The following RAB3C variants were observed in gnomAD, a reference collection of about 807,000 sequenced individuals.
RAB3C encodes the protein ras-related protein Rab-3C.
A neutral mutation model predicts 26.4 loss-of-function variants in RAB3C; 17 were observed. That is an observed-to-expected ratio of 0.64 (90% confidence interval 0.44 to 0.97). The LOEUF (loss-of-function observed/expected upper bound fraction) is 0.97. Ranked by LOEUF, RAB3C falls within the 50% of genes least tolerant of loss-of-function variation. The pLI is 0.00. For synonymous variants in RAB3C, 91 were observed against 95.9 expected (o/e 0.95, Z 0.30); for missense variants, 242 against 281.9 (o/e 0.86, Z 1.01).
rs1332482574 is a variant in RAB3C, at chr5:58,851,943, C to T, written c.*592C>T. 2.0e-5 allele frequency: 3 copies of T among 152,102 alleles called. No individual in the cohort carries two copies. Among genetic ancestry groups the T allele is most frequent in the Non-Finnish European group, 4.4e-5 (3 of 68,030 alleles). The allele number at this position is 152,102 out of a possible 1,614,324, so 9.4% of individuals were successfully genotyped here. A position where few individuals can be genotyped will look rare whatever the true frequency, so the allele number is the denominator to read the frequency against. ...GTTATTAATAACTGAGATCATTGGC[C>T]TATAAAGAAATTGAAATGTTGTTTT... On this transcript the variant is annotated 3_prime_UTR_variant, in exon 5 of 5. Coordinates refer to ENST00000282878, the MANE Select transcript of RAB3C (RefSeq NM_138453.4).
At chr5:58,826,912 T>C (rs528286161) in intron 4 of RAB3C, among the ~76,000 whole-genome samples, 1 of 152,308 alleles carries the variant, frequency 6.6e-6, no homozygotes, top group Non-Finnish European at 1.5e-5. Context: ...TAAATACAGT[T>C]CACTCTGAAA....
intron 2 of RAB3C, among the ~76,000 whole-genome samples, chr5:58,635,626 G>T (rs1300410425): frequency 6.6e-6 from 1 of 152,176 alleles, no homozygotes; most frequent in Admixed American, 6.5e-5. Context: ...CAGGACCAGG[G>T]TTTGTACATC....
chr5:58,792,795 A>G (rs1454068146), intron 3 of RAB3C, among the ~76,000 whole-genome samples: 1 of 152,120 alleles, frequency 6.6e-6, no homozygotes, highest in African/African-American at 2.4e-5. Flanking sequence ...ATGTGTATAT[A>G]TAAAACCTTG....
rs201467636 is a variant in RAB3C, at chr5:58,617,832, G to A, written c.214G>A (p.Val72Ile). 1.4e-5 allele frequency: 23 copies of A among 1,612,356 alleles called. No individual in the cohort carries two copies. Among genetic ancestry groups the A allele is most frequent in the Middle Eastern group, 1.7e-4 (1 of 6,046 alleles). The change falls in exon 2 of 5, where the codon GTA becomes ATA. Residue 72 changes from valine to isoleucine, a missense_variant. Physicochemically the swap from Val to Ile is conservative, Grantham distance 29 (BLOSUM62 3). Transcript: ENST00000282878. The stretch of plus-strand genomic sequence containing the variant: ...TGGGATCGATTTCAAAGTAAAAACT[G>A]TATTCAAAAATGAAAAGAGAATCAA... ...TVGIDFKVKT[V>I]FKNEKRIKLQ...
At position 58,837,943 on chromosome 5, in the gene RAB3C, A is replaced by G. The variant is rs556119275; in HGVS notation, c.496+12781A>G. 9.0e-4 allele frequency among the ~76,000 whole-genome samples: 137 copies of G among 152,326 alleles called. 1 individual carries two copies. In the Middle Eastern group the frequency reaches 0.01, roughly 11 times the overall value. ...CAAATGTATTGGCATATAGTTGTCC[A>G]TAGTAGTCTCTTATGATCCTTTATA... On this transcript the variant is annotated intron_variant, in intron 4 of 4. Transcript: ENST00000282878.
At chr5:58,589,951 C>A (rs898944920) in intron 1 of RAB3C, among the ~76,000 whole-genome samples, 1 of 152,168 alleles carries the variant, frequency 6.6e-6, no homozygotes. Context: ...CCTACAACCA[C>A]CAGCAACTGG....
chr5:58,847,886 C>T (rs1812864), intron 4 of RAB3C, among the ~76,000 whole-genome samples: 79,167 of 151,846 alleles, frequency 0.52, 21,164 homozygotes, highest in Middle Eastern at 0.68. Context: ...GATGGAGTCT[C>T]GCTCTGTCAC....
intron 2 of RAB3C, among the ~76,000 whole-genome samples, chr5:58,658,212 A>T (rs567352044): frequency 9.9e-5 from 15 of 152,216 alleles, no homozygotes; most frequent in African/African-American, 3.6e-4. Context: ...AACTTATAGT[A>T]GGACAGACTA....
chr5:58,858,761 C>T lies in RAB3C; in HGVS notation c.*7410C>T, dbSNP rs1293795346. The T allele has an allele frequency of 2.0e-5, 3 of 152,222 alleles. No homozygotes were observed. Among genetic ancestry groups the T allele is most frequent in the Middle Eastern group, 3.1e-3 (1 of 318 alleles). 9.4% of individuals were successfully genotyped at this position (152,222 alleles called of 1,614,324 possible). On this transcript the variant is annotated 3_prime_UTR_variant, in exon 5 of 5. Coordinates refer to ENST00000282878, the MANE Select transcript of RAB3C (RefSeq NM_138453.4). ...CCCTTTGAAACCATTCAAATTACCCCAGTTTAGCTCCCTACCTTTTAGTCT... is the reference window on the plus strand; with the variant it reads ...CCCTTTGAAACCATTCAAATTACCCTAGTTTAGCTCCCTACCTTTTAGTCT...
intron 2 of RAB3C, among the ~76,000 whole-genome samples, chr5:58,679,866 A>G (rs1293326880): frequency 6.6e-6 from 1 of 152,136 alleles, no homozygotes; most frequent in Non-Finnish European, 1.5e-5. Context: ...AGCAGTACAC[A>G]TATCCTTTAG....
At chr5:58,825,961 C>A (rs567871244) in intron 4 of RAB3C, among the ~76,000 whole-genome samples, 1 of 152,036 alleles carries the variant, frequency 6.6e-6, no homozygotes, top group Non-Finnish European at 1.5e-5. Flanking sequence ...TGCTCCCAAT[C>A]GAGTGGACAC....
intron 2 of RAB3C, among the ~76,000 whole-genome samples, chr5:58,691,654 G>A (rs1251816529): frequency 6.6e-6 from 1 of 152,090 alleles, no homozygotes; most frequent in African/African-American, 2.4e-5. Flanking sequence ...ACATAATAAT[G>A]TCATATTACT....
At position 58,825,067 on chromosome 5, in the gene RAB3C, A is replaced by G. The variant is rs1743441956; in HGVS notation, c.401A>G (p.Asp134Gly). 1 of 1,612,598 alleles carries G rather than the reference A, an allele frequency of 6.2e-7. No homozygotes were observed. Among genetic ancestry groups the G allele is most frequent in the South Asian group, 1.1e-5 (1 of 90,954 alleles). Residue 134 changes from aspartate (D) to glycine (G), a missense_variant, in exon 4 of 5, where the codon GAC becomes GGC. Transcript: ENST00000282878. The stretch of plus-strand genomic sequence containing the variant: ...ACTCAAATCAAAACATACTCTTGGG[A>G]CAATGCCCAAGTTATTCTGGTTGGG... The part of the protein sequence containing the change: ...WSTQIKTYSW[D>G]NAQVILVGNK...
intron 4 of RAB3C, among the ~76,000 whole-genome samples, chr5:58,844,082 TA>T (rs1304637495): frequency 6.6e-6 from 1 of 152,222 alleles, no homozygotes; most frequent in Non-Finnish European, 1.5e-5. Context: ...ATGTACATTC[TA>T]ATTGCGGAGC....
chr5:58,831,384 A>G (rs949412354), intron 4 of RAB3C, among the ~76,000 whole-genome samples: 4 of 152,170 alleles, frequency 2.6e-5, no homozygotes, highest in Non-Finnish European at 5.9e-5. Context: ...TCAAATTCAT[A>G]ATTTCTCTTT....
At chr5:58,814,357 G>C (rs563041603) in intron 3 of RAB3C, among the ~76,000 whole-genome samples, 3 of 152,100 alleles carry the variant, frequency 2.0e-5, no homozygotes, top group Non-Finnish European at 4.4e-5. Flanking sequence ...TTCAGGCTTT[G>C]GCTGAATGTC....
At chr5:58,705,926 A>C (rs976633751) in intron 2 of RAB3C, among the ~76,000 whole-genome samples, 12 of 152,156 alleles carry the variant, frequency 7.9e-5, no homozygotes, top group Non-Finnish European at 2.9e-5. Flanking sequence ...TGCCCAGTCC[A>C]CCACCCCTTA....
chr5:58,718,783 A>G (rs1214425299), intron 2 of RAB3C, among the ~76,000 whole-genome samples: 1 of 152,048 alleles, frequency 6.6e-6, no homozygotes, highest in African/African-American at 2.4e-5. Flanking sequence ...AATATGCATA[A>G]ATGAAGCCAG....
chr5:58,745,340 T>G (rs1054007366), intron 3 of RAB3C, among the ~76,000 whole-genome samples: 4 of 142,784 alleles, frequency 2.8e-5, no homozygotes, highest in South Asian at 2.2e-4. Flanking sequence ...AGAGCTTGCA[T>G]TGAGCCGATT....
Sources: gnomAD v4.1 joint callset for allele counts (sites outside exome capture counted in the v4.1 genomes callset) on GRCh38, gnomAD v4.1.1 for gene constraint, MANE v1.5 for transcripts, NCBI Gene and HGNC (gene_info 2026-07-23, HGNC 2026-07-21) for gene names.